The following DENND1A variants were observed in gnomAD, a reference collection of about 807,000 sequenced individuals.
DENND1A encodes DENN domain-containing protein 1A.
Under a neutral mutation model 113.7 loss-of-function variants are expected in DENND1A, and 51 were observed. That is an observed-to-expected ratio of 0.45 (90% CI 0.36 to 0.57). DENND1A has a LOEUF of 0.57. DENND1A is among the 20% of genes least tolerant of loss of function. DENND1A has a pLI of 0.00. For synonymous variants in DENND1A, 565 were observed against 570.8 expected (o/e 0.99, Z 0.14); for missense variants, 1,258 against 1,395.9 (o/e 0.90, Z 1.57).
intron 5 of DENND1A, among the ~76,000 whole-genome samples, chr9:123,733,682 T>C (rs934237763): frequency 6.6e-6 from 1 of 151,800 alleles, no homozygotes; most frequent in Non-Finnish European, 1.5e-5. Context: ...TTTTTTTTTT[T>C]TGAGACAGAG....
At chr9:123,870,041 C>T (rs1015713787) in intron 2 of DENND1A, among the ~76,000 whole-genome samples, 1 of 151,106 alleles carries the variant, frequency 6.6e-6, no homozygotes, top group South Asian at 2.1e-4. Context: ...GGGCCCAGCC[C>T]TAACACTCCA....
intron 2 of DENND1A, among the ~76,000 whole-genome samples, chr9:123,829,604 G>A (rs995901206): frequency 6.6e-6 from 1 of 151,698 alleles, no homozygotes; most frequent in Admixed American, 6.6e-5. Flanking sequence ...TCAAACAGAT[G>A]GATAATAAAA....
chr9:123,544,360 T>C (rs2056503816), intron 13 of DENND1A, among the ~76,000 whole-genome samples: 1 of 152,264 alleles, frequency 6.6e-6, no homozygotes, highest in Admixed American at 6.5e-5. Context: ...ACATTACCCC[T>C]TGCAAAATAG....
intron 3 of DENND1A, among the ~76,000 whole-genome samples, chr9:123,788,554 T>C (rs963717635): frequency 6.6e-6 from 1 of 152,146 alleles, no homozygotes; most frequent in East Asian, 1.9e-4. Context: ...CATAATAGAA[T>C]AATTATAAAC....
intron 5 of DENND1A, among the ~76,000 whole-genome samples, chr9:123,707,351 G>A (rs1335409550): frequency 2.7e-5 from 4 of 150,844 alleles, no homozygotes; most frequent in East Asian, 1.9e-4. Flanking sequence ...CCAAGATCCC[G>A]CCATTGCACT....
At chr9:123,731,257 T>TA (rs896961095) in intron 5 of DENND1A, among the ~76,000 whole-genome samples, 3 of 151,824 alleles carry the variant, frequency 2.0e-5, no homozygotes, top group South Asian at 2.1e-4. Context: ...AAGTATAATT[T>TA]AAAAAAAAAT....
At chr9:123,401,795 A>G in intron 21 of DENND1A, 10 of 1,614,196 alleles carry the variant, frequency 6.2e-6, no homozygotes, top group Non-Finnish European at 8.5e-6. Flanking sequence ...CAGTCTGGAA[A>G]AGCAACGGCG....
chr9:123,499,895 C>T (rs1272994702), intron 13 of DENND1A, among the ~76,000 whole-genome samples: 1 of 152,242 alleles, frequency 6.6e-6, no homozygotes, highest in African/African-American at 2.4e-5. Flanking sequence ...TGGTCCTCTC[C>T]TCTCTGTACG....
intron 13 of DENND1A, among the ~76,000 whole-genome samples, chr9:123,536,949 A>C (rs1376585947): frequency 6.6e-6 from 1 of 150,466 alleles, no homozygotes; most frequent in African/African-American, 2.4e-5. Flanking sequence ...TTCACATAAA[A>C]ATGAACAACA....
chr9:123,570,759 T>G (rs1273435742), intron 12 of DENND1A, among the ~76,000 whole-genome samples: 2 of 152,166 alleles, frequency 1.3e-5, no homozygotes, highest in Non-Finnish European at 2.9e-5. Context: ...TAAAAAGGCC[T>G]AGTCCCTCGC....
intron 5 of DENND1A, among the ~76,000 whole-genome samples, chr9:123,747,108 TTAAAA>T (rs1381772566): frequency 6.6e-6 from 1 of 151,714 alleles, no homozygotes; most frequent in Non-Finnish European, 1.5e-5. Flanking sequence ...AATTAAAAAC[TTAAAA>T]TAAAAAAAAA....
chr9:123,630,084 G>A (rs1032053232), intron 10 of DENND1A, among the ~76,000 whole-genome samples: 8 of 151,800 alleles, frequency 5.3e-5, no homozygotes, highest in Non-Finnish European at 1.0e-4. Context: ...TCTGTTGCCC[G>A]GGATGGAGTG....
intron 19 of DENND1A, chr9:123,413,573 C>A: frequency 5.1e-6 from 5 of 985,518 alleles, no homozygotes; most frequent in Non-Finnish European, 4.8e-6. Flanking sequence ...CCTGTCGGGG[C>A]AGCCTGAGGG....
intron 5 of DENND1A, among the ~76,000 whole-genome samples, chr9:123,746,132 T>C (rs2069484965): frequency 6.6e-5 from 10 of 152,232 alleles, no homozygotes; most frequent in Admixed American, 5.9e-4. Flanking sequence ...AATGTGTATA[T>C]GTACATTTGA....
Position 123,381,177 on chromosome 9 carries a change from T to G in DENND1A, c.*255A>C. 1 of 545,794 alleles carries G rather than the reference T, an allele frequency of 1.8e-6. No individual in the cohort carries two copies. 33.8% of individuals were successfully genotyped at this position (545,794 alleles called of 1,614,324 possible). Reference sequence around the variant, plus strand: ...CTTTAGTGCAAAACCCAATCAAGGGTGCCGAGGAGAGGCAACCGCGGGGTG... The same window carrying G: ...CTTTAGTGCAAAACCCAATCAAGGGGGCCGAGGAGAGGCAACCGCGGGGTG... On this transcript the variant is annotated 3_prime_UTR_variant, in exon 24 of 24. Coordinates refer to ENST00000394215, the MANE Select transcript of DENND1A (RefSeq NM_001352964.2). This position sits in a 1 kb window ranked among gnomAD's most constrained non-coding sequence, Gnocchi z 4.7.
chr9:123,670,475 T>A (rs2063711115), intron 7 of DENND1A, among the ~76,000 whole-genome samples: 1 of 152,154 alleles, frequency 6.6e-6, no homozygotes, highest in South Asian at 2.1e-4. Context: ...ATCTGACAGA[T>A]GAGGAAATTG....
chr9:123,541,773 G>A (rs552304614), intron 13 of DENND1A, among the ~76,000 whole-genome samples: 1 of 152,322 alleles, frequency 6.6e-6, no homozygotes, highest in African/African-American at 2.4e-5. Flanking sequence ...ATGCACAGAG[G>A]ACGAGTACTT....
chr9:123,499,471 C>A (rs777572312), intron 13 of DENND1A, among the ~76,000 whole-genome samples: 1 of 152,164 alleles, frequency 6.6e-6, no homozygotes, highest in Non-Finnish European at 1.5e-5. Context: ...GCTTACTTTT[C>A]CCCCAGCCCT....
chr9:123,402,423 C>A, intron 21 of DENND1A: 1 of 491,236 alleles, frequency 2.0e-6, no homozygotes, highest in Admixed American at 2.3e-5. Flanking sequence ...AGCTCGAAAT[C>A]ATTTTTTTTC....
Sources: gnomAD v4.1 joint callset for allele counts (sites outside exome capture counted in the v4.1 genomes callset) on GRCh38, gnomAD v4.1.1 for gene constraint, Gnocchi (gnomAD v3.1) non-coding constraint, MANE v1.5 for transcripts, NCBI Gene and HGNC (gene_info 2026-07-23, HGNC 2026-07-21) for gene names.